Variants in LRP1 observed in about 807,000 individuals in gnomAD.
The protein encoded by LRP1 is prolow-density lipoprotein receptor-related protein 1.
In LRP1, 51 loss-of-function variants were observed where a neutral mutation model predicts 541.5. The observed-to-expected ratio is 0.09, with a 90% CI of 0.08 to 0.12. The LOEUF (loss-of-function observed/expected upper bound fraction) is 0.12, where lower values mean the gene tolerates loss of function less well. Ranked by LOEUF, LRP1 falls within the 10% of genes least tolerant of loss-of-function variation. LRP1 has a pLI of 1.00. For missense variants in LRP1, 3,878 were observed against 6,376.2 expected, an observed-to-expected ratio of 0.61 and a Z score of 13.34; for synonymous variants, 2,219 against 2,470.8, an observed-to-expected ratio of 0.90 and a Z score of 3.02.
chr12:57,202,925 G>C (rs2036687119), intron 68 of LRP1: 2 of 566,964 alleles, frequency 3.5e-6, no homozygotes, highest in Admixed American at 3.1e-5. Context: ...CCCAAACACA[G>C]TCTGTTCTGA....
In LRP1 at chr12:57,210,774, G is replaced by A; in HGVS notation, c.12811G>A (p.Val4271Met). 2 of 1,613,122 alleles carry A rather than the reference G, an allele frequency of 1.2e-6. No individual in the cohort carries two copies. Among genetic ancestry groups the A allele is most frequent in the East Asian group, 4.5e-5 (2 of 44,848 alleles). The change falls in exon 83 of 89, where the codon GTG becomes ATG. Residue 4271 changes from valine (V) to methionine (M), a missense_variant. By Grantham distance (21) the Val-to-Met change is conservative. This residue lies in a region of LRP1 where 871 missense variants were observed against 1,212.4 expected (regional missense o/e 0.72). Transcript: ENST00000243077. ...CACGGGCCCCAAATGCACCCAGCAG[G>A]TGTGTGCGGGCTACTGTGCCAACAA... is the stretch of plus-strand genomic sequence containing the variant. ...GFTGPKCTQQVCAGYCANNST... is the reference protein window; with the variant it reads ...GFTGPKCTQQMCAGYCANNST...
Position 57,211,589 on chromosome 12 carries a change from G to A in LRP1, c.13193+1G>A, listed in dbSNP as rs1305208664. On this transcript the variant is annotated splice_donor_variant, in intron 85 of 88. Transcript: ENST00000243077. LOFTEE classifies it high-confidence loss of function. This position sits in a 1 kb window ranked among gnomAD's most constrained non-coding sequence, Gnocchi z 4.3. The stretch of plus-strand genomic sequence containing the variant: ...ACAGCAAAATGATGCCTGAGTGCCA[G>A]TGAGTTGGGCCCGGGCTTCACCCAG... 6.2e-7 allele frequency: 1 copy of A among 1,613,930 alleles called. No individual in the cohort carries two copies. Among genetic ancestry groups the A allele is most frequent in the African/African-American group, 1.3e-5 (1 of 74,958 alleles).
Position 57,158,455 on chromosome 12 carries a change from C to T in LRP1, c.1615C>T (p.Arg539Trp), listed in dbSNP as rs2035664703. The change falls in exon 11 of 89, where the codon CGG (arginine) becomes TGG (tryptophan). Residue 539 changes from arginine to tryptophan, a missense_variant. Physicochemically the swap from Arg to Trp is moderately radical, Grantham distance 101. This residue lies in a region of LRP1 where 496 missense variants were observed against 861.0 expected (regional missense o/e 0.58). Transcript: ENST00000243077. The surrounding 1 kb of genome is among the most constrained non-coding windows in gnomAD (Gnocchi z 5.3). ...TGGCAAGGGCCGGCCAGGCATCATC[C>T]GGGGCATGGATATGGGGGCCAAGGT... ...VYGKGRPGII[R>W]GMDMGAKVPD... is the part of the protein sequence containing the mutation. 2 of 1,614,038 alleles carry T rather than the reference C, an allele frequency of 1.2e-6. No homozygotes were observed. Among genetic ancestry groups the T allele is most frequent in the Non-Finnish European group, 1.7e-6 (2 of 1,179,928 alleles).
chr12:57,134,458 T>C lies in LRP1; in HGVS notation c.68-4001T>C, dbSNP rs573441123. Among the ~76,000 whole-genome samples the C allele has an allele frequency of 2.0e-5, 3 of 152,318 alleles. No homozygotes were observed. The South Asian group carries it at 6.2e-4, about 32-fold the overall frequency. ...CCTTCCTTGTTTTTTGTTTTTGTTT[T>C]GTTTTGTTTTTGAGACACAGTCTCA... On this transcript the variant is annotated intron_variant, in intron 1 of 88. Coordinates refer to ENST00000243077, the MANE Select transcript of LRP1 (RefSeq NM_002332.3).
chr12:57,177,694 A>G lies in LRP1; in HGVS notation c.4361+103A>G. ...GGTGATGAGAAGGACCAAGGGATCTAGAACTAGGAACGGTGGCAAAGGACT... is the reference window on the plus strand; with the variant it reads ...GGTGATGAGAAGGACCAAGGGATCTGGAACTAGGAACGGTGGCAAAGGACT... On this transcript the variant is annotated intron_variant, in intron 26 of 88. Transcript: ENST00000243077. The surrounding 1 kb of genome is among the most constrained non-coding windows in gnomAD (Gnocchi z 6.8). The G allele has an allele frequency of 7.4e-7, 1 of 1,356,324 alleles. No individual in the cohort carries two copies. Among genetic ancestry groups the G allele is most frequent in the Non-Finnish European group, 1.0e-6 (1 of 984,162 alleles). The allele number at this position is 1,356,324 out of a possible 1,614,324, so 84.0% of individuals were successfully genotyped here.
In LRP1 at chr12:57,173,710, G is replaced by T; in HGVS notation, c.3347-70G>T. 1 of 1,523,084 alleles carries T rather than the reference G, an allele frequency of 6.6e-7. No individual in the cohort carries two copies. The highest frequency in any genetic ancestry group is 1.1e-5 in the South Asian group (1 of 88,838). The allele number at this position is 1,523,084 out of a possible 1,614,324, so 94.3% of individuals were successfully genotyped here. On this transcript the variant is annotated intron_variant, in intron 21 of 88. Transcript: ENST00000243077. This position sits in a 1 kb window ranked among gnomAD's most constrained non-coding sequence, Gnocchi z 4.7. Reference sequence around the variant, plus strand: ...CTGACCCTATTAGAGAAGCCCACAGGGTCTGGAAGGAAGGGCAGGGGGAGC... The same window carrying T: ...CTGACCCTATTAGAGAAGCCCACAGTGTCTGGAAGGAAGGGCAGGGGGAGC...
At chr12:57,134,432 C>T (rs2035110551) in intron 1 of LRP1, among the ~76,000 whole-genome samples, 1 of 152,200 alleles carries the variant, frequency 6.6e-6, no homozygotes, top group Non-Finnish European at 1.5e-5. Flanking sequence ...CCTGCAATTT[C>T]CCTTCCTTGT....
At position 57,173,397 on chromosome 12, in the gene LRP1, G is replaced by T. The variant is rs1800177; in HGVS notation, c.3346+47G>T. ...CGTCTGGAACAGCACAATGTGGGCA[G>T]GAGGAGACCGTGTTGAGAGCAGAGT... On this transcript the variant is annotated intron_variant, in intron 21 of 88. Transcript: ENST00000243077. The surrounding 1 kb of genome is among the most constrained non-coding windows in gnomAD (Gnocchi z 4.7). 516,408 of 1,580,806 alleles carry T rather than the reference G, an allele frequency of 0.33. 87,743 individuals are homozygous for T. Among genetic ancestry groups the T allele is most frequent in the African/African-American group, 0.48 (36,145 of 74,534 alleles).
In LRP1 at chr12:57,192,980, G is replaced by A. The variant is rs2036447409; in HGVS notation, c.7555+10G>A. 1.2e-6 allele frequency: 2 copies of A among 1,611,652 alleles called. No individual in the cohort carries two copies. The highest frequency in any genetic ancestry group is 1.3e-5 in the African/African-American group (1 of 74,958). On this transcript the variant is annotated intron_variant, in intron 45 of 88. Coordinates refer to ENST00000243077, the MANE Select transcript of LRP1 (RefSeq NM_002332.3). ...GACCTCACCTGCCGAGGTGAGAGAGGCGGGGGGGAGGGGCTGGCGGGGAAC... is the reference window on the plus strand; with the variant it reads ...GACCTCACCTGCCGAGGTGAGAGAGACGGGGGGGAGGGGCTGGCGGGGAAC...
intron 59 of LRP1, 22 bp downstream of exon 59, chr12:57,198,365 G>C: frequency 1.9e-6 from 3 of 1,608,584 alleles, no homozygotes; most frequent in Non-Finnish European, 2.6e-6. Context: ...AGGAGGGTTG[G>C]GGGAGCCCCT....
At chr12:57,167,193 G>GC (rs1259200153) in intron 18 of LRP1, 147 bp downstream of exon 18, 1 of 701,960 alleles carries the variant, frequency 1.4e-6, no homozygotes, top group African/African-American at 1.8e-5. Context: ...TGAGAGGAGA[G>GC]CCCCATCATC....
chr12:57,209,586 G>T (rs751364934), intron 79 of LRP1, 106 bp from the exon 80 acceptor site: 2 of 921,708 alleles, frequency 2.2e-6, no homozygotes, highest in Admixed American at 1.9e-5. Context: ...TGGTCTGGAT[G>T]TGTTGAGTTT....
Position 57,177,380 on chromosome 12 carries a change from C to T in LRP1, c.4197-47C>T, listed in dbSNP as rs878992312. On this transcript the variant is annotated intron_variant, in intron 25 of 88. Transcript: ENST00000243077. This position sits in a 1 kb window ranked among gnomAD's most constrained non-coding sequence, Gnocchi z 6.8. ...ACCTACGATCCCACCACAGTCGCTC[C>T]CTGAGGGCCCTGACTTTAGCCCTCC... The T allele has an allele frequency of 5.7e-6, 9 of 1,565,280 alleles. 1 individual carries two copies. In the South Asian group the frequency reaches 8.5e-5, roughly 15 times the overall value.
intron 12 of LRP1, among the ~76,000 whole-genome samples, chr12:57,160,211 C>T (rs1280208204): frequency 6.6e-6 from 1 of 152,164 alleles, no homozygotes; most frequent in Non-Finnish European, 1.5e-5. Context: ...GATCCTGTCA[C>T]TCCCAGTTCA....
At position 57,162,816 on chromosome 12, in the gene LRP1, C is replaced by T; in HGVS notation, c.2405-42C>T. ...CTATCCCTTCTCTGACCTCTCCTCACCTCTTCCTCCCTTTGCCTTTCCCCA... is the reference window on the plus strand; with the variant it reads ...CTATCCCTTCTCTGACCTCTCCTCATCTCTTCCTCCCTTTGCCTTTCCCCA... On this transcript the variant is annotated intron_variant, in intron 14 of 88. Transcript: ENST00000243077. This position sits in a 1 kb window ranked among gnomAD's most constrained non-coding sequence, Gnocchi z 5.2. The T allele has an allele frequency of 6.4e-7, 1 of 1,573,838 alleles. No individual in the cohort carries two copies.
Position 57,156,800 on chromosome 12 carries a change from G to T in LRP1, c.1441G>T (p.Asp481Tyr). Residue 481 changes from aspartate to tyrosine, a missense_variant, in exon 10 of 89, where the codon GAC (aspartate) becomes TAC (tyrosine). By Grantham distance (160) the Asp-to-Tyr change is radical. Coordinates refer to ENST00000243077, the MANE Select transcript of LRP1 (RefSeq NM_002332.3). The surrounding 1 kb of genome is among the most constrained non-coding windows in gnomAD (Gnocchi z 5.2). ...PRVRSHACEN[D>Y]QYGKPGGCSD... ...AGTGAGGAGCCATGCCTGTGAAAACGACCAGTATGGGAAGCCGGGTGGCTG... is the reference window on the plus strand; with the variant it reads ...AGTGAGGAGCCATGCCTGTGAAAACTACCAGTATGGGAAGCCGGGTGGCTG... The T allele has an allele frequency of 6.2e-7, 1 of 1,609,392 alleles. No individual in the cohort carries two copies. The highest frequency in any genetic ancestry group is 1.1e-5 in the South Asian group (1 of 90,758).
At chr12:57,186,083 C>A (rs1368357856) in intron 41 of LRP1, among the ~76,000 whole-genome samples, 175 bp downstream of exon 41, 1 of 152,184 alleles carries the variant, frequency 6.6e-6, no homozygotes, top group South Asian at 2.1e-4. Context: ...TCAGCGTCAG[C>A]CCCCGACTTC....
Position 57,181,161 on chromosome 12 carries a change from T to C in LRP1, c.5532T>C (p.His1844=), listed in dbSNP as rs975292877. 1 of 1,613,200 alleles carries C rather than the reference T, an allele frequency of 6.2e-7. No individual in the cohort carries two copies. The highest frequency in any genetic ancestry group is 1.7e-5 in the Admixed American group (1 of 59,976). The part of the protein sequence containing the change: ...KVYDESIQLD[H]KGTNPCSVNN... ...CTGCCTCCCACCTGCCCCCAGACCA[T>C]AAGGGCACCAACCCCTGCAGTGTCA... The change falls in exon 34 of 89, where the codon CAT becomes CAC. Residue 1844 remains histidine (H), a synonymous_variant. Transcript: ENST00000243077.
At chr12:57,203,118 A>T in intron 68 of LRP1, 63 bp from the exon 69 acceptor site, 1 of 1,196,188 alleles carries the variant, frequency 8.4e-7, no homozygotes, top group Non-Finnish European at 1.2e-6. Flanking sequence ...GGACTGTGGC[A>T]CTACTGAGGC....
Sources: gnomAD v4.1 joint callset for allele counts (sites outside exome capture counted in the v4.1 genomes callset) on GRCh38, gnomAD v4.1.1 for gene constraint, gnomAD v4.1.1 regional missense constraint, Gnocchi (gnomAD v3.1) non-coding constraint, MANE v1.5 for transcripts, NCBI Gene and HGNC (gene_info 2026-07-23, HGNC 2026-07-21) for gene names.